The following FRY variants were observed in gnomAD, a reference collection of about 807,000 sequenced individuals.
The protein encoded by FRY is FRY microtubule binding protein.
A neutral mutation model predicts 348.4 loss-of-function variants in FRY; 128 were observed. The observed-to-expected ratio is 0.37, with a 90% CI of 0.32 to 0.43. The LOEUF is 0.43. Among genes scored for constraint, FRY ranks in the 20% least tolerant of loss-of-function variants. The pLI is 1.00. For missense variants in FRY, 2,736 were observed against 3,695.2 expected, an observed-to-expected ratio of 0.74 and a Z score of 6.73; for synonymous variants, 1,370 against 1,374.7, an observed-to-expected ratio of 1.00 and a Z score of 0.08.
intron 29 of FRY, among the ~76,000 whole-genome samples, chr13:32,196,533 T>C (rs939379696): frequency 6.6e-6 from 1 of 152,132 alleles, no homozygotes; most frequent in African/African-American, 2.4e-5. Context: ...TACATCCTTC[T>C]TTTTGGTTAC....
chr13:32,257,498 A>G (rs2138529334), intron 51 of FRY, among the ~76,000 whole-genome samples: 1 of 152,348 alleles, frequency 6.6e-6, no homozygotes, highest in East Asian at 1.9e-4. Context: ...TTTGCTATTA[A>G]TTGCATATGA....
chr13:32,248,633 C>G (rs1465490140), intron 48 of FRY, among the ~76,000 whole-genome samples: 1 of 152,104 alleles, frequency 6.6e-6, no homozygotes, highest in Non-Finnish European at 1.5e-5. Context: ...TCCTCACTGA[C>G]CTTTCATCAT....
chr13:32,254,140 GC>G, intron 50 of FRY, 83 bp from the exon 51 acceptor site: 1 of 1,199,546 alleles, frequency 8.3e-7, no homozygotes. Context: ...GAAATACGGT[GC>G]TATGAAGAGC....
chr13:32,184,891 G>C (rs1346125377), intron 25 of FRY, 85 bp from the exon 26 acceptor site: 3 of 1,209,194 alleles, frequency 2.5e-6, no homozygotes, highest in African/African-American at 1.5e-5. Context: ...TGTGAGTTGT[G>C]ACAGTGAATC....
intron 46 of FRY, among the ~76,000 whole-genome samples, chr13:32,242,406 T>A (rs1165529479): frequency 6.6e-6 from 1 of 152,190 alleles, no homozygotes; most frequent in Non-Finnish European, 1.5e-5. Flanking sequence ...AATTTTGTCA[T>A]TCCATTTATT....
intron 47 of FRY, 138 bp downstream of exon 47, chr13:32,244,320 T>G: frequency 1.2e-6 from 1 of 803,094 alleles, no homozygotes; most frequent in African/African-American, 1.7e-5. Flanking sequence ...CCAGGGCAGT[T>G]AAGAGTGGGA....
intron 11 of FRY, among the ~76,000 whole-genome samples, chr13:32,137,437 G>C (rs1031456898): frequency 1.3e-5 from 2 of 152,216 alleles, no homozygotes; most frequent in Non-Finnish European, 2.9e-5. Flanking sequence ...GATAGCTCCA[G>C]TCTGTGGAAG....
Position 32,231,162 on chromosome 13 carries a change from T to C in FRY, c.5406-17T>C. The C allele has an allele frequency of 6.2e-7, 1 of 1,612,058 alleles. No individual in the cohort carries two copies. Among genetic ancestry groups the C allele is most frequent in the Non-Finnish European group, 8.5e-7 (1 of 1,178,200 alleles). Reference sequence around the variant, plus strand: ...AATGACAGTTATATTTTTGACATTTTGTGTGTTTTGTTTAAGGGCATTTGG... The same window carrying C: ...AATGACAGTTATATTTTTGACATTTCGTGTGTTTTGTTTAAGGGCATTTGG... On this transcript the variant is annotated splice_polypyrimidine_tract_variant and intron_variant, in intron 40 of 60. Transcript: ENST00000542859.
intron 2 of FRY, among the ~76,000 whole-genome samples, chr13:32,082,276 T>C (rs1448922276): frequency 1.3e-5 from 2 of 151,844 alleles, no homozygotes; most frequent in Non-Finnish European, 2.9e-5. Context: ...AATTTTAGAT[T>C]TGTTTCTTTG....
chr13:32,186,680 T>G (rs1883045858), intron 27 of FRY, among the ~76,000 whole-genome samples: 1 of 152,100 alleles, frequency 6.6e-6, no homozygotes, highest in African/African-American at 2.4e-5. Context: ...TCAATTAACT[T>G]TCAACCTAAA....
intron 2 of FRY, among the ~76,000 whole-genome samples, chr13:32,095,081 T>A (rs1876598673): frequency 6.6e-6 from 1 of 152,228 alleles, no homozygotes; most frequent in African/African-American, 2.4e-5. Context: ...TAGTTTTGAC[T>A]TGCATTTCTC....
chr13:32,078,063 A>G (rs1488896003), intron 1 of FRY, among the ~76,000 whole-genome samples: 1 of 152,236 alleles, frequency 6.6e-6, no homozygotes, highest in Non-Finnish European at 1.5e-5. Flanking sequence ...TATGAATTCA[A>G]AAAAAGTTTA....
chr13:32,121,985 T>C (rs1878688144), intron 4 of FRY, among the ~76,000 whole-genome samples: 1 of 152,152 alleles, frequency 6.6e-6, no homozygotes, highest in Non-Finnish European at 1.5e-5. Context: ...CTAGTTTCAT[T>C]CTCCTACATG....
chr13:32,132,182 C>G (rs1879409716), intron 8 of FRY, among the ~76,000 whole-genome samples: 1 of 151,812 alleles, frequency 6.6e-6, no homozygotes. Context: ...TTGACATTCA[C>G]AGGCATGAGG....
At chr13:32,233,502 G>T (rs956279902) in intron 41 of FRY, among the ~76,000 whole-genome samples, 3 of 152,158 alleles carry the variant, frequency 2.0e-5, no homozygotes, top group Non-Finnish European at 4.4e-5. Context: ...TGTACAATTG[G>T]AAAAACAAAT....
chr13:32,130,452 T>TTGTGTGTGTGTGTGTGTG (rs58000380), intron 7 of FRY, among the ~76,000 whole-genome samples: 3,969 of 141,888 alleles, frequency 0.028, 79 homozygotes, highest in Admixed American at 0.067. Context: ...TGGAAAGTGT[T>TTGTGTGTGTGTGTGTGTG]TGTGTGTGTG....
intron 4 of FRY, 65 bp downstream of exon 4, chr13:32,117,538 A>AAT: frequency 1.3e-6 from 2 of 1,554,592 alleles, no homozygotes; most frequent in Non-Finnish European, 1.8e-6. Context: ...CATAAATCAA[A>AAT]ATTAGAGTTA....
intron 50 of FRY, 160 bp from the exon 51 acceptor site, chr13:32,254,064 C>T (rs931017652): frequency 6.9e-6 from 5 of 719,892 alleles, no homozygotes; most frequent in African/African-American, 5.3e-5. Context: ...TCTGAAGGCA[C>T]CTGTCCAACA....
Position 32,092,780 on chromosome 13 carries a change from T to TG in FRY, c.271-9181dup, listed in dbSNP as rs149207166. Among the ~76,000 whole-genome samples the TG allele has an allele frequency of 9.9e-3, 1,501 of 152,286 alleles. 28 individuals carry two copies. The highest frequency in any genetic ancestry group is 0.034 in the African/African-American group (1,414 of 41,536). On this transcript the variant is annotated intron_variant, in intron 2 of 60. Coordinates refer to ENST00000542859, the MANE Select transcript of FRY (RefSeq NM_023037.3). ...CAGCAGGTGAGGTATCTCTGAGATT[T>TG]GGCCACCCAAATCCAGTCTGCAAAT...
Sources: gnomAD v4.1 joint callset for allele counts (sites outside exome capture counted in the v4.1 genomes callset) on GRCh38, gnomAD v4.1.1 for gene constraint, MANE v1.5 for transcripts, NCBI Gene and HGNC (gene_info 2026-07-23, HGNC 2026-07-21) for gene names.